The following KLRF1 variants were observed in gnomAD, a reference collection of about 807,000 sequenced individuals.
KLRF1 encodes killer cell lectin-like receptor subfamily F member 1.
Under a neutral mutation model 30.7 loss-of-function variants are expected in KLRF1, and 27 were observed. That is an observed-to-expected ratio of 0.88 (90% confidence interval 0.65 to 1.21). KLRF1 has a LOEUF of 1.21. KLRF1 is among the 50% of genes most tolerant of loss of function. KLRF1 has a pLI of 0.00. For synonymous variants in KLRF1, 92 were observed against 89.3 expected (o/e 1.03, Z -0.17); for missense variants, 246 against 259.3 (o/e 0.95, Z 0.35).
the KLRF1 span, among the ~76,000 whole-genome samples, chr12:9,802,495 G>A: frequency 1.3e-5 from 2 of 151,846 alleles, no homozygotes; most frequent in African/African-American, 4.8e-5. Context: ...AGGGCAATCA[G>A]GCAAGAGAAA....
At chr12:9,839,080 A>T (rs889711679) in intron 3 of KLRF1, among the ~76,000 whole-genome samples, 3 of 152,082 alleles carry the variant, frequency 2.0e-5, no homozygotes, top group Non-Finnish European at 4.4e-5. Context: ...TGCCACAGCT[A>T]ATTACCATAA....
intron 2 of KLRF1, among the ~76,000 whole-genome samples, chr12:9,832,693 G>A (rs933068170): frequency 6.6e-6 from 1 of 151,542 alleles, no homozygotes; most frequent in Non-Finnish European, 1.5e-5. Flanking sequence ...GTGTGTATGT[G>A]TGTGTATGTG....
chr12:9,841,957 T>C lies in KLRF1; in HGVS notation c.474+6T>C, dbSNP rs1050502728. 1.9e-6 allele frequency: 3 copies of C among 1,608,822 alleles called. No individual in the cohort carries two copies. Among genetic ancestry groups the C allele is most frequent in the Non-Finnish European group, 2.5e-6 (3 of 1,177,520 alleles). On this transcript the variant is annotated splice_donor_region_variant and intron_variant, in intron 4 of 5. Transcript: ENST00000617889. ...TACATGACCAACTTGAAATGGTAAT[T>C]GGTCTAGTATCAGGGTTATGGCATC...
chr12:9,830,271 T>TAGTTA (rs1297296800), intron 1 of KLRF1, among the ~76,000 whole-genome samples: 2 of 152,176 alleles, frequency 1.3e-5, no homozygotes, highest in Non-Finnish European at 2.9e-5. Context: ...TTTTTATAAA[T>TAGTTA]GCAGCTACTA....
chr12:9,807,032 C>A, the KLRF1 span, among the ~76,000 whole-genome samples: 5 of 151,742 alleles, frequency 3.3e-5, no homozygotes, highest in Admixed American at 2.0e-4. Context: ...TAATGTAATA[C>A]CTCCTAGTTT....
chr12:9,827,198 A>G (rs1867300294), upstream of KLRF1, among the ~76,000 whole-genome samples: 1 of 152,212 alleles, frequency 6.6e-6, no homozygotes. Flanking sequence ...AGGCAGCTAT[A>G]TATTATTAAC....
At position 9,844,687 on chromosome 12, in the gene KLRF1, C is replaced by A. The variant is rs1215147589; in HGVS notation, c.*161C>A. Reference sequence around the variant, plus strand: ...CGACACTGGTCTAGCCTCAGAGTAACCCCTGTTAACAAACTAAAATGTACA... The same window carrying A: ...CGACACTGGTCTAGCCTCAGAGTAAACCCTGTTAACAAACTAAAATGTACA... On this transcript the variant is annotated 3_prime_UTR_variant, in exon 6 of 6. Coordinates refer to ENST00000617889, the MANE Select transcript of KLRF1 (RefSeq NM_016523.3). The A allele has an allele frequency of 1.2e-5, 6 of 497,318 alleles. No individual in the cohort carries two copies. Among genetic ancestry groups the A allele is most frequent in the Non-Finnish European group, 1.8e-5 (5 of 275,632 alleles). 30.8% of individuals were successfully genotyped at this position (497,318 alleles called of 1,614,324 possible). A position where few individuals can be genotyped will look rare whatever the true frequency, so the allele number is the denominator to read the frequency against.
At chr12:9,815,482 G>A in the KLRF1 span, among the ~76,000 whole-genome samples, 1 of 152,296 alleles carries the variant, frequency 6.6e-6, no homozygotes, top group African/African-American at 2.4e-5. Flanking sequence ...TGTGGTTGAG[G>A]TCTATTTCTC....
chr12:9,840,238 A>T (rs1465187094), intron 3 of KLRF1, among the ~76,000 whole-genome samples: 1 of 152,122 alleles, frequency 6.6e-6, no homozygotes, highest in African/African-American at 2.4e-5. Flanking sequence ...TTTATATGTA[A>T]TGAAAATGTT....
the KLRF1 span, among the ~76,000 whole-genome samples, chr12:9,819,495 C>A: frequency 6.6e-6 from 1 of 152,124 alleles, no homozygotes; most frequent in African/African-American, 2.4e-5. Context: ...ATTGGAGAAG[C>A]CCCCAAAATA....
chr12:9,822,593 A>G (rs753065595), upstream of KLRF1, among the ~76,000 whole-genome samples: 254 of 152,354 alleles, frequency 1.7e-3, 1 homozygote, highest in African/African-American at 5.5e-3. Context: ...TAACAATACA[A>G]TGACAGGATC....
At position 9,841,796 on chromosome 12, in the gene KLRF1, C is replaced by T. The variant is rs778547984; in HGVS notation, c.335-16C>T. ...ATGTAATTTAATTTCATTTTGTTTT[C>T]TACATTTCTCTGTAGTACTATGCCA... On this transcript the variant is annotated splice_polypyrimidine_tract_variant and intron_variant, in intron 3 of 5. Transcript: ENST00000617889. 1 of 1,577,832 alleles carries T rather than the reference C, an allele frequency of 6.3e-7. No individual in the cohort carries two copies. Among genetic ancestry groups the T allele is most frequent in the African/African-American group, 1.4e-5 (1 of 72,936 alleles).
At chr12:9,837,775 A>C (rs1018707076) in intron 3 of KLRF1, among the ~76,000 whole-genome samples, 5 of 152,164 alleles carry the variant, frequency 3.3e-5, no homozygotes, top group African/African-American at 1.2e-4. Context: ...TCTACTGCTA[A>C]AACAATTCAA....
chr12:9,819,521 A>AG, the KLRF1 span, among the ~76,000 whole-genome samples: 1 of 152,152 alleles, frequency 6.6e-6, no homozygotes, highest in African/African-American at 2.4e-5. Context: ...GCTGCTCTAC[A>AG]GGGAGGCTGC....
the KLRF1 span, among the ~76,000 whole-genome samples, chr12:9,816,674 C>G: frequency 6.6e-6 from 1 of 151,796 alleles, no homozygotes; most frequent in Non-Finnish European, 1.5e-5. Context: ...GTAGATGTCA[C>G]AGTAGCCCTG....
the KLRF1 span, among the ~76,000 whole-genome samples, chr12:9,810,782 AT>A: frequency 6.6e-6 from 1 of 152,086 alleles, no homozygotes; most frequent in Non-Finnish European, 1.5e-5. Flanking sequence ...GGAAGTGAGA[AT>A]TTTTTTTATG....
At chr12:9,828,666 CTT>C (rs1565503516) in intron 1 of KLRF1, among the ~76,000 whole-genome samples, 2 of 152,114 alleles carry the variant, frequency 1.3e-5, no homozygotes, top group African/African-American at 4.8e-5. Flanking sequence ...TTACTTATCT[CTT>C]GAGTCCTTCC....
chr12:9,823,649 G>A (rs1160039865), upstream of KLRF1, among the ~76,000 whole-genome samples: 3 of 151,824 alleles, frequency 2.0e-5, no homozygotes, highest in Non-Finnish European at 2.9e-5. Context: ...AGAGCTGAAC[G>A]GAAAGAGATT....
chr12:9,825,101 A>T (rs896496571), upstream of KLRF1, among the ~76,000 whole-genome samples: 20 of 152,172 alleles, frequency 1.3e-4, no homozygotes, highest in African/African-American at 4.3e-4. Flanking sequence ...CATTCTTCAC[A>T]GAACTAGAAG....
Sources: allele counts gnomAD v4.1 joint callset (sites outside exome capture counted in the v4.1 genomes callset), GRCh38; gene constraint gnomAD v4.1.1; transcripts MANE v1.5; gene names NCBI Gene and HGNC (gene_info 2026-07-23, HGNC 2026-07-21).